The following RELCH variants were observed in gnomAD, a reference collection of about 807,000 sequenced individuals.
RELCH encodes the protein RAB11 binding and LisH domain, coiled-coil and HEAT repeat containing, also known as RAB11-binding protein RELCH.
Under a neutral mutation model 150.3 loss-of-function variants are expected in RELCH, and 41 were observed. The observed-to-expected ratio is 0.27, with a 90% confidence interval of 0.21 to 0.35. The LOEUF (loss-of-function observed/expected upper bound fraction) is 0.35, where lower values mean the gene tolerates loss of function less well. Among genes scored for constraint, RELCH ranks in the 10% least tolerant of loss-of-function variants. The probability of loss-of-function intolerance (pLI) is 1.00; values close to 1 mark genes in which losing one functional copy is unlikely to be tolerated. For missense variants in RELCH, 1,092 were observed against 1,467.8 expected (o/e 0.74, Z 4.18); for synonymous variants, 478 against 531.8 (o/e 0.90, Z 1.39).
In RELCH at chr18:62,221,084, C is replaced by T; in HGVS notation, c.664C>T (p.Arg222Ter). ...AGCCAAGGAGACCATTCAGGCCCTCCGAGCCAACCTGACAAAGGCCGCAGG... is the reference window on the plus strand; with the variant it reads ...AGCCAAGGAGACCATTCAGGCCCTCTGAGCCAACCTGACAAAGGCCGCAGG... ...RKAKETIQAL[R>*]ANLTKAAEHE... The change falls in exon 3 of 29, where the codon CGA (arginine) becomes TGA (stop). Residue 222 changes from arginine to a stop codon, truncating the protein, a stop_gained. Coordinates refer to ENST00000644646, the MANE Select transcript of RELCH (RefSeq NM_001346231.2). LOFTEE classifies it high-confidence loss of function. 1 of 1,613,344 alleles carries T rather than the reference C, an allele frequency of 6.2e-7. No homozygotes were observed. Among genetic ancestry groups the T allele is most frequent in the Non-Finnish European group, 8.5e-7 (1 of 1,179,586 alleles).
Position 62,282,079 on chromosome 18 carries a change from T to A in RELCH, c.3115-227T>A, listed in dbSNP as rs186712510. On this transcript the variant is annotated intron_variant, in intron 24 of 28. Transcript: ENST00000644646. Reference sequence around the variant, plus strand: ...TGTTGTTATAATTTGTTCAGGAATATTTGTATTTTTTAATTAAGAATTTGT... The same window carrying A: ...TGTTGTTATAATTTGTTCAGGAATAATTGTATTTTTTAATTAAGAATTTGT... Among the ~76,000 whole-genome samples the A allele has an allele frequency of 3.3e-3, 497 of 152,294 alleles. 2 individuals are homozygous for A. Among genetic ancestry groups the A allele is most frequent in the Non-Finnish European group, 4.8e-3 (327 of 68,024 alleles).
intron 10 of RELCH, among the ~76,000 whole-genome samples, chr18:62,233,107 ATTG>A (rs1238633756): frequency 6.6e-6 from 1 of 151,706 alleles, no homozygotes; most frequent in African/African-American, 2.4e-5. Flanking sequence ...AGTTATCTTT[ATTG>A]TTGTTATTTA....
chr18:62,237,944 A>G (rs2041959608), intron 10 of RELCH, among the ~76,000 whole-genome samples: 2 of 151,822 alleles, frequency 1.3e-5, no homozygotes, highest in African/African-American at 4.8e-5. Flanking sequence ...GAAAAAAGTA[A>G]CAACTTTACT....
At chr18:62,228,833 TCTTAG>T (rs2041376503) in intron 8 of RELCH, among the ~76,000 whole-genome samples, 1 of 152,136 alleles carries the variant, frequency 6.6e-6, no homozygotes, top group Admixed American at 6.6e-5. Context: ...CTAGGTTCTA[TCTTAG>T]CTAAGTATTT....
chr18:62,219,964 C>T (rs2040744893), intron 2 of RELCH, among the ~76,000 whole-genome samples: 1 of 151,968 alleles, frequency 6.6e-6, no homozygotes, highest in African/African-American at 2.4e-5. Context: ...AGTTTTTATG[C>T]AGAATGATTT....
chr18:62,236,011 A>G (rs1053603507), intron 10 of RELCH, among the ~76,000 whole-genome samples: 11 of 151,996 alleles, frequency 7.2e-5, no homozygotes, highest in Admixed American at 2.0e-4. Flanking sequence ...GTTTTGAGAA[A>G]GCAATATCCT....
At chr18:62,191,912 G>A (rs545140699) in intron 1 of RELCH, among the ~76,000 whole-genome samples, 2 of 152,326 alleles carry the variant, frequency 1.3e-5, no homozygotes, top group East Asian at 3.9e-4. Flanking sequence ...CATATACCCA[G>A]TAATGGGATT....
Position 62,227,707 on chromosome 18 carries a change from A to G in RELCH, c.1154+18A>G. 7.9e-7 allele frequency: 1 copy of G among 1,268,796 alleles called. No homozygotes were observed. The highest frequency in any genetic ancestry group is 1.1e-6 in the Non-Finnish European group (1 of 898,766). 78.6% of individuals were successfully genotyped at this position (1,268,796 alleles called of 1,614,324 possible). On this transcript the variant is annotated intron_variant, in intron 7 of 28. Coordinates refer to ENST00000644646, the MANE Select transcript of RELCH (RefSeq NM_001346231.2). The stretch of plus-strand genomic sequence containing the variant: ...CTTAAAAGGTTAGTACTTGATCATT[A>G]TTCCTAAAAATCCTCTTAAGGTGTT...
Position 62,296,030 on chromosome 18 carries a change from G to A in RELCH, c.3460-2760G>A, listed in dbSNP as rs1275407772. ...TGGGGGGCAGGGGGAATTATCTTGT[G>A]ATATTTTTGTTACTGATTTCTATCT... On this transcript the variant is annotated intron_variant, in intron 27 of 28. Transcript: ENST00000644646. Among the ~76,000 whole-genome samples the A allele has an allele frequency of 2.0e-5, 3 of 152,212 alleles. No individual in the cohort carries two copies. The South Asian group carries it at 6.2e-4, about 32-fold the overall frequency.
intron 27 of RELCH, among the ~76,000 whole-genome samples, chr18:62,297,798 C>A (rs533337844): frequency 6.6e-6 from 1 of 152,268 alleles, no homozygotes; most frequent in African/African-American, 2.4e-5. Flanking sequence ...TCTAGTCACA[C>A]CTCACAGCCT....
At chr18:62,189,709 A>G (rs921348649) in intron 1 of RELCH, among the ~76,000 whole-genome samples, 1 of 152,222 alleles carries the variant, frequency 6.6e-6, no homozygotes, top group Non-Finnish European at 1.5e-5. Context: ...GTTTCTAGTG[A>G]AAATTCCTCC....
chr18:62,261,001 T>C (rs2043242884), intron 15 of RELCH, among the ~76,000 whole-genome samples: 1 of 151,950 alleles, frequency 6.6e-6, no homozygotes, highest in African/African-American at 2.4e-5. Context: ...TAGTTAACAA[T>C]AATGTGTTAT....
chr18:62,263,021 C>T (rs951087712), intron 16 of RELCH, among the ~76,000 whole-genome samples: 5 of 152,006 alleles, frequency 3.3e-5, no homozygotes, highest in Non-Finnish European at 7.4e-5. Context: ...TCACGTGGCA[C>T]ACTTTCTGTG....
chr18:62,207,339 T>C (rs2039866386), intron 1 of RELCH, among the ~76,000 whole-genome samples: 1 of 152,226 alleles, frequency 6.6e-6, no homozygotes, highest in African/African-American at 2.4e-5. Flanking sequence ...GTTCCATCCT[T>C]TTTATTGCTG....
rs771681668 is a variant in RELCH, at chr18:62,221,012, G to T, written c.617-25G>T. The stretch of plus-strand genomic sequence containing the variant: ...CCTTTTCTTGGTTGGATGCCTGTGT[G>T]TGTTTATTCCAAATCCCTGTCCAGT... On this transcript the variant is annotated intron_variant, in intron 2 of 28. Coordinates refer to ENST00000644646, the MANE Select transcript of RELCH (RefSeq NM_001346231.2). The T allele has an allele frequency of 1.1e-5, 17 of 1,587,292 alleles. No homozygotes were observed. In the South Asian group the frequency reaches 1.8e-4, roughly 17 times the overall value.
rs936607512 is a variant in RELCH, at chr18:62,187,933, C to T, written c.428C>T (p.Thr143Ile). 2 of 1,596,952 alleles carry T rather than the reference C, an allele frequency of 1.3e-6. No homozygotes were observed. Among genetic ancestry groups the T allele is most frequent in the Non-Finnish European group, 1.7e-6 (2 of 1,172,832 alleles). ...GGCAACTTCGAGAGGCAAAGTGGAA[C>T]CCCGCCGGGGATGGGGGCGCCAGGG... The part of the protein sequence containing the change: ...NPGNFERQSG[T>I]PPGMGAPGVP... Residue 143 changes from threonine (T) to isoleucine (I), a missense_variant, in exon 1 of 29, where the codon ACC becomes ATC. Coordinates refer to ENST00000644646, the MANE Select transcript of RELCH (RefSeq NM_001346231.2).
intron 1 of RELCH, among the ~76,000 whole-genome samples, chr18:62,191,431 C>T (rs1386531408): frequency 6.6e-6 from 1 of 151,964 alleles, no homozygotes; most frequent in Non-Finnish European, 1.5e-5. Flanking sequence ...CCGTTTTTTT[C>T]ACCTTCAACT....
chr18:62,227,454 A>C lies in RELCH; in HGVS notation c.1024A>C (p.Asn342His). The change falls in exon 6 of 29, where the codon AAC becomes CAC. Residue 342 changes from asparagine (N) to histidine (H), a missense_variant. This residue lies in a region of RELCH where 57 missense variants were observed against 41.5 expected (regional missense o/e 1.37). Coordinates refer to ENST00000644646, the MANE Select transcript of RELCH (RefSeq NM_001346231.2). The stretch of plus-strand genomic sequence containing the variant: ...AGAGGCCCTTACACCAATTATAAGC[A>C]ACCTTCCTCCAACTCTTGAAACTCC... ...ELEALTPIIS[N>H]LPPTLETPQP... is the part of the protein sequence containing the mutation. 1 of 1,613,338 alleles carries C rather than the reference A, an allele frequency of 6.2e-7. No individual in the cohort carries two copies. Among genetic ancestry groups the C allele is most frequent in the South Asian group, 1.1e-5 (1 of 91,068 alleles).
At chr18:62,280,493 A>G (rs773776284) in intron 23 of RELCH, 153 bp from the exon 24 acceptor site, 1 of 1,535,936 alleles carries the variant, frequency 6.5e-7, no homozygotes, top group Admixed American at 1.7e-5. Flanking sequence ...CTTTTTGAGC[A>G]TTCTTCTTGG....
Sources: gnomAD v4.1 joint callset for allele counts (sites outside exome capture counted in the v4.1 genomes callset) on GRCh38, gnomAD v4.1.1 for gene constraint, gnomAD v4.1.1 regional missense constraint, MANE v1.5 for transcripts, NCBI Gene and HGNC (gene_info 2026-07-23, HGNC 2026-07-21) for gene names.